The following KLHL13 variants were observed in gnomAD, a reference collection of about 807,000 sequenced individuals.
The protein encoded by KLHL13 is kelch like family member 13.
In KLHL13, 10 loss-of-function variants were observed where a neutral mutation model predicts 37.1. The ratio of observed to expected loss-of-function variants is 0.27; its 90% CI spans 0.17 to 0.46. KLHL13 has a LOEUF of 0.46. Ranked by LOEUF, KLHL13 falls within the 20% of genes least tolerant of loss-of-function variation. The pLI is 1.00. For missense variants in KLHL13, 360 were observed against 509.3 expected (o/e 0.71, Z 2.82); for synonymous variants, 163 against 181.2 (o/e 0.90, Z 0.81).
intron 1 of KLHL13, among the ~76,000 whole-genome samples, chrX:118,023,555 T>A (rs1261879400): frequency 1.8e-5 from 2 of 110,673 alleles, no homozygotes; most frequent in African/African-American, 6.6e-5. Flanking sequence ...TCAAAAAGAG[T>A]TTATTCCCTT....
intron 1 of KLHL13, among the ~76,000 whole-genome samples, chrX:118,025,494 G>C (rs1347807900): frequency 9.0e-6 from 1 of 111,344 alleles, no homozygotes; most frequent in Non-Finnish European, 1.9e-5. Flanking sequence ...TCAGTTAGTA[G>C]ATCAACTGCT....
intron 1 of KLHL13, among the ~76,000 whole-genome samples, chrX:118,004,456 G>T (rs1452095268): frequency 9.0e-6 from 1 of 111,209 alleles, no homozygotes. Context: ...AAGATGAACT[G>T]GAATGTAATG....
chrX:118,040,096 C>A (rs1393407981), intron 1 of KLHL13, among the ~76,000 whole-genome samples: 24 of 111,426 alleles, frequency 2.2e-4, no homozygotes. Flanking sequence ...GATCACAACA[C>A]CCATGTCCCT....
At chrX:117,936,780 C>G (rs750976544) in intron 2 of KLHL13, among the ~76,000 whole-genome samples, 1 of 111,279 alleles carries the variant, frequency 9.0e-6, no homozygotes, top group South Asian at 3.8e-4. Context: ...AGCTCTATTC[C>G]CTGTGAGACC....
chrX:118,070,695 T>C (rs1048988256), intron 1 of KLHL13, among the ~76,000 whole-genome samples: 1 of 110,881 alleles, frequency 9.0e-6, no homozygotes, highest in South Asian at 3.8e-4. Context: ...TTTACAATTT[T>C]CCACTCCAAT....
At chrX:117,987,845 T>C (rs970979419) in intron 1 of KLHL13, among the ~76,000 whole-genome samples, 3 of 111,721 alleles carry the variant, frequency 2.7e-5, no homozygotes, top group African/African-American at 6.5e-5. Context: ...AACTGACCAG[T>C]TGCCTTTCCA....
chrX:117,959,580 G>T (rs1005589405), intron 1 of KLHL13, among the ~76,000 whole-genome samples: 5 of 111,798 alleles, frequency 4.5e-5, no homozygotes, highest in African/African-American at 1.3e-4. Context: ...AATTAAGACT[G>T]GGTTAAATCA....
At chrX:118,021,121 C>A (rs2054203514) in intron 1 of KLHL13, among the ~76,000 whole-genome samples, 1 of 106,473 alleles carries the variant, frequency 9.4e-6, no homozygotes, top group African/African-American at 3.4e-5. Flanking sequence ...TGCACATGTA[C>A]CCTAAAACTT....
intron 1 of KLHL13, among the ~76,000 whole-genome samples, chrX:118,078,205 G>C (rs2054947995): frequency 9.0e-6 from 1 of 111,251 alleles, no homozygotes; most frequent in African/African-American, 3.3e-5. Context: ...CACAAATGGT[G>C]GTCCAATTTA....
At chrX:118,085,349 A>T (rs2055041394) in intron 1 of KLHL13, among the ~76,000 whole-genome samples, 1 of 111,298 alleles carries the variant, frequency 9.0e-6, no homozygotes, top group Non-Finnish European at 1.9e-5. Flanking sequence ...AGAAACAGAA[A>T]GCAGAATCAT....
chrX:118,014,654 C>A (rs376231799), intron 1 of KLHL13, among the ~76,000 whole-genome samples: 6 of 112,456 alleles, frequency 5.3e-5, no homozygotes, highest in African/African-American at 1.9e-4. Context: ...TATCACAGAA[C>A]CTGACGATAT....
At chrX:117,998,366 T>C (rs1036359401) in intron 1 of KLHL13, among the ~76,000 whole-genome samples, 3 of 111,889 alleles carry the variant, frequency 2.7e-5, no homozygotes, top group Admixed American at 9.6e-5. Flanking sequence ...AGAAACCGCA[T>C]AGTAATTTGA....
chrX:117,903,617 T>TTCTC (rs755944247), intron 5 of KLHL13, among the ~76,000 whole-genome samples: 1 of 109,399 alleles, frequency 9.1e-6, no homozygotes, highest in African/African-American at 3.3e-5. Flanking sequence ...TACATTATTA[T>TTCTC]TCTCTCTCTC....
rs141385825 is a variant in KLHL13, at chrX:117,917,386, T to C, written c.570+2135A>G. Among the ~76,000 whole-genome samples, 1,012 of 103,910 alleles carry C rather than the reference T, an allele frequency of 9.7e-3. 17 individuals carry two copies. Among genetic ancestry groups the C allele is most frequent in the African/African-American group, 0.034 (938 of 27,419 alleles). 90.2% of individuals were successfully genotyped at this position (103,910 alleles called of 115,157 possible). A position where few individuals can be genotyped will look rare whatever the true frequency, so the allele number is the denominator to read the frequency against. ...AGAGAAGCCTCTTCTCCATTAGAAA[T>C]AGGTTTTAGGATGTCTGCAAAGGAT... On this transcript the variant is annotated intron_variant, in intron 4 of 6. Coordinates refer to ENST00000262820, the Ensembl canonical transcript of KLHL13.
intron 1 of KLHL13, among the ~76,000 whole-genome samples, chrX:117,957,445 A>G (rs776702484): frequency 8.9e-6 from 1 of 112,118 alleles, no homozygotes; most frequent in East Asian, 2.8e-4. Flanking sequence ...TGACAACAGA[A>G]CAAACGAAAA....
chrX:118,028,393 T>TA lies in KLHL13; in HGVS notation c.-55-82819dup, dbSNP rs201456662. On this transcript the variant is annotated intron_variant, in intron 1 of 6. Coordinates refer to the KLHL13 transcript ENST00000371882. Reference sequence around the variant, plus strand: ...TTAGGTATATAAATAGGAAAGACGTTATATAAGTTAAACTATTTCCATAAA... The same window carrying TA: ...TTAGGTATATAAATAGGAAAGACGTTAATATAAGTTAAACTATTTCCATAAA... 10,919 of 950,731 alleles carry TA rather than the reference T, an allele frequency of 0.011. 642 individuals carry two copies. The African/African-American group carries it at 0.18, about 16-fold the overall frequency. The allele number at this position is 950,731 out of a possible 1,213,427, so 78.4% of individuals were successfully genotyped here.
intron 1 of KLHL13, among the ~76,000 whole-genome samples, chrX:118,109,880 GA>G (rs200021274): frequency 1.7e-4 from 18 of 107,394 alleles, no homozygotes; most frequent in Non-Finnish European, 2.9e-4. Flanking sequence ...AAAACCGAAG[GA>G]AAAAAAAACA....
At chrX:118,033,175 A>G (rs191597011) in intron 1 of KLHL13, among the ~76,000 whole-genome samples, 84 of 111,552 alleles carry the variant, frequency 7.5e-4, no homozygotes, top group African/African-American at 2.7e-3. Context: ...TCTGCAGGAT[A>G]TTATCCAGGA....
At chrX:118,114,753 C>T (rs770738585) in intron 1 of KLHL13, among the ~76,000 whole-genome samples, 8 of 112,135 alleles carry the variant, frequency 7.1e-5, no homozygotes, top group Non-Finnish European at 1.3e-4. Flanking sequence ...AAGCAATAGG[C>T]CTTACTTTTC....
Sources: gnomAD v4.1 joint callset for allele counts (sites outside exome capture counted in the v4.1 genomes callset) on GRCh38, gnomAD v4.1.1 for gene constraint, MANE v1.5 for transcripts, NCBI Gene and HGNC (gene_info 2026-07-23, HGNC 2026-07-21) for gene names.